The following CLGN variants were observed in gnomAD, a reference collection of about 807,000 sequenced individuals.
The protein encoded by CLGN is testis tissue sperm-binding protein Li 79P.
CLGN carries 62 observed loss-of-function variants against 79.1 expected under a neutral mutation model. The ratio of observed to expected loss-of-function variants is 0.78; its 90% CI spans 0.64 to 0.97. CLGN has a LOEUF of 0.97. Ranked by LOEUF, CLGN falls within the 50% of genes least tolerant of loss-of-function variation. The pLI, the probability that CLGN is intolerant of heterozygous loss-of-function variation, is 0.00. For missense variants in CLGN, 647 were observed against 715.5 expected, an observed-to-expected ratio of 0.90 and a Z score of 1.09; for synonymous variants, 225 against 224.7, an observed-to-expected ratio of 1.00 and a Z score of -0.01.
At position 140,409,829 on chromosome 4, in the gene CLGN, T is replaced by C. The variant is rs1410574977; in HGVS notation, c.277+8A>G. 1.3e-6 allele frequency: 2 copies of C among 1,551,340 alleles called. No individual in the cohort carries two copies. The highest frequency in any genetic ancestry group is 1.7e-5 in the Admixed American group (1 of 57,910). On this transcript the variant is annotated splice_region_variant and intron_variant, in intron 4 of 14. Transcript: ENST00000325617. ...TGGTTATATCTAATACTTAAATAAA[T>C]ATTTTACCATCGTATATTGAAATTT...
intron 5 of CLGN, among the ~76,000 whole-genome samples, chr4:140,403,096 G>A (rs1372322159): frequency 6.6e-6 from 1 of 152,006 alleles, no homozygotes; most frequent in African/African-American, 2.4e-5. Flanking sequence ...TGATTTGAAA[G>A]GGGTGATTTT....
At chr4:140,419,116 C>T (rs1729407420) in intron 1 of CLGN, among the ~76,000 whole-genome samples, 1 of 151,872 alleles carries the variant, frequency 6.6e-6, no homozygotes, top group Admixed American at 6.6e-5. Flanking sequence ...AAAAACCAAA[C>T]ACCGCATATT....
chr4:140,389,864 T>C (rs1019948298), intron 14 of CLGN, among the ~76,000 whole-genome samples: 3 of 151,820 alleles, frequency 2.0e-5, no homozygotes, highest in African/African-American at 7.2e-5. Flanking sequence ...ACAAAATTCA[T>C]TTCATCACAT....
chr4:140,413,159 A>T, intron 1 of CLGN, 72 bp from the exon 2 acceptor site: 3 of 1,170,726 alleles, frequency 2.6e-6, no homozygotes, highest in Non-Finnish European at 3.7e-6. Context: ...ATGTAGAAAT[A>T]AATAATTTCT....
chr4:140,427,329 G>C (rs1415612279), intron 1 of CLGN, among the ~76,000 whole-genome samples: 2 of 152,266 alleles, frequency 1.3e-5, no homozygotes, highest in East Asian at 3.9e-4. Flanking sequence ...GTCCACCCAC[G>C]GGGCCGCCAG....
chr4:140,393,169 T>C (rs1728807688), intron 11 of CLGN, among the ~76,000 whole-genome samples: 1 of 152,070 alleles, frequency 6.6e-6, no homozygotes, highest in Admixed American at 6.5e-5. Context: ...GTAAGGATAT[T>C]ATTTCTCTTA....
At chr4:140,402,800 A>G (rs1262910235) in intron 5 of CLGN, among the ~76,000 whole-genome samples, 1 of 152,176 alleles carries the variant, frequency 6.6e-6, no homozygotes, top group Non-Finnish European at 1.5e-5. Context: ...TTGTTGTTAA[A>G]TTAACGAATT....
Position 140,412,932 on chromosome 4 carries a change from T to C in CLGN, c.144+3A>G, listed in dbSNP as rs1729240703. The C allele has an allele frequency of 1.9e-6, 3 of 1,612,442 alleles. No individual in the cohort carries two copies. The highest frequency in any genetic ancestry group is 2.5e-6 in the Non-Finnish European group (3 of 1,178,910). On this transcript the variant is annotated splice_donor_region_variant and intron_variant, in intron 2 of 14. Transcript: ENST00000325617. ...TTTATAACCCATTTCTCAATAACCA[T>C]ACCTCTGAGGAAAGTTCACTTTCAT...
At chr4:140,416,137 T>C (rs1266935987) in intron 1 of CLGN, among the ~76,000 whole-genome samples, 10 of 40,338 alleles carry the variant, frequency 2.5e-4, no homozygotes, top group Non-Finnish European at 4.1e-4. Flanking sequence ...GAAATAAAGA[T>C]GTTCTTTGAA....
Position 140,396,057 on chromosome 4 carries a change from T to A in CLGN, c.998+35A>T, listed in dbSNP as rs748821241. 1.7e-5 allele frequency: 27 copies of A among 1,610,258 alleles called. No homozygotes were observed. The South Asian group carries it at 3.0e-4, about 18-fold the overall frequency. On this transcript the variant is annotated intron_variant, in intron 9 of 14. Coordinates refer to ENST00000325617, the MANE Select transcript of CLGN (RefSeq NM_004362.3). ...GTAACAAAAATGCATGTAAGAAACA[T>A]TTGAAATCGACATTTGAAGATGAAG... is the stretch of plus-strand genomic sequence containing the variant.
intron 1 of CLGN, among the ~76,000 whole-genome samples, chr4:140,414,459 T>A (rs150358688): frequency 0.065 from 9,914 of 151,480 alleles, 410 homozygotes; most frequent in Middle Eastern, 0.15. Context: ...TGAAAAAAAT[T>A]TAGCAGAATG....
intron 8 of CLGN, among the ~76,000 whole-genome samples, chr4:140,397,223 A>T (rs1056788401): frequency 6.6e-6 from 1 of 151,888 alleles, no homozygotes; most frequent in Non-Finnish European, 1.5e-5. Flanking sequence ...AAAAGTACCT[A>T]TTTTCTCCTG....
chr4:140,405,649 A>C (rs764458612), intron 5 of CLGN, among the ~76,000 whole-genome samples: 2 of 152,220 alleles, frequency 1.3e-5, no homozygotes, highest in Non-Finnish European at 2.9e-5. Flanking sequence ...AAGCACTCAG[A>C]CCAAAGGAAA....
rs1317383415 is a variant in CLGN at position 140,389,320 on chromosome 4, A to G, written c.1753-16T>C. 1.2e-6 allele frequency: 2 copies of G among 1,601,960 alleles called. No homozygotes were observed. Among genetic ancestry groups the G allele is most frequent in the South Asian group, 2.2e-5 (2 of 90,786 alleles). Reference sequence around the variant, plus strand: ...CTTCTTTCATCTAGAAAAAATAATTATGAAAAGGTTTCTTTTAGTATAACA... The same window carrying G: ...CTTCTTTCATCTAGAAAAAATAATTGTGAAAAGGTTTCTTTTAGTATAACA... On this transcript the variant is annotated splice_polypyrimidine_tract_variant and intron_variant, in intron 14 of 14. Coordinates refer to ENST00000325617, the MANE Select transcript of CLGN (RefSeq NM_004362.3).
chr4:140,409,486 T>C (rs551260983), intron 4 of CLGN, among the ~76,000 whole-genome samples: 18 of 152,148 alleles, frequency 1.2e-4, no homozygotes, highest in African/African-American at 4.3e-4. Flanking sequence ...TACCATAAAT[T>C]ATAATTTATT....
chr4:140,420,157 A>T (rs1340979061), intron 1 of CLGN, among the ~76,000 whole-genome samples: 3 of 152,132 alleles, frequency 2.0e-5, no homozygotes, highest in African/African-American at 7.2e-5. Context: ...GCTTTGTTTG[A>T]ACTCTGGTGT....
At chr4:140,399,777 C>A (rs896980028) in intron 7 of CLGN, among the ~76,000 whole-genome samples, 2 of 152,084 alleles carry the variant, frequency 1.3e-5, no homozygotes, top group African/African-American at 4.8e-5. Flanking sequence ...CTTATGATGT[C>A]CCTCACCCCC....
At chr4:140,409,479 C>G (rs1479554286) in intron 4 of CLGN, among the ~76,000 whole-genome samples, 2 of 151,860 alleles carry the variant, frequency 1.3e-5, no homozygotes, top group Non-Finnish European at 2.9e-5. Flanking sequence ...AGAATCTTAC[C>G]ATAAATTATA....
At chr4:140,399,459 TAC>T (rs1450315306) in intron 7 of CLGN, among the ~76,000 whole-genome samples, 1 of 152,258 alleles carries the variant, frequency 6.6e-6, no homozygotes, top group African/African-American at 2.4e-5. Context: ...TCATTATTTC[TAC>T]AGTTTACTTG....
Sources: allele counts gnomAD v4.1 joint callset (sites outside exome capture counted in the v4.1 genomes callset), GRCh38; gene constraint gnomAD v4.1.1; transcripts MANE v1.5; gene names NCBI Gene and HGNC (gene_info 2026-07-23, HGNC 2026-07-21).